SSPN: variants seen among roughly 807,000 people sequenced by gnomAD.
The protein encoded by SSPN is K-ras oncogene-associated protein.
SSPN carries 15 observed loss-of-function variants against 19.1 expected under a neutral mutation model. That is an observed-to-expected ratio of 0.78 (90% confidence interval 0.52 to 1.21). The LOEUF (loss-of-function observed/expected upper bound fraction) is 1.21, where lower values mean the gene tolerates loss of function less well. SSPN is among the 50% of genes most tolerant of loss of function. The pLI is 0.00. For synonymous variants in SSPN, 147 were observed against 140.3 expected (o/e 1.05, Z -0.34); for missense variants, 291 against 314.0 (o/e 0.93, Z 0.55).
At chr12:26,161,912 C>G (rs1944591502) in intron 1 of SSPN, among the ~76,000 whole-genome samples, 1 of 152,228 alleles carries the variant, frequency 6.6e-6, no homozygotes, top group Admixed American at 6.5e-5. Flanking sequence ...GTAATGCTCA[C>G]TCACCAGCCG....
intron 1 of SSPN, among the ~76,000 whole-genome samples, chr12:26,213,259 G>A (rs1479333215): frequency 2.1e-5 from 3 of 140,796 alleles, no homozygotes; most frequent in Admixed American, 7.0e-5. Flanking sequence ...ATATAGGTTT[G>A]TAACAGAAAT....
chr12:26,130,737 C>T (rs567200011), intron 1 of SSPN, among the ~76,000 whole-genome samples: 2 of 152,228 alleles, frequency 1.3e-5, no homozygotes, highest in South Asian at 4.2e-4. Flanking sequence ...CCAGGGGTAA[C>T]GTGAAGTGGT....
chr12:26,124,676 C>T, intron 1 of SSPN: 1 of 1,613,796 alleles, frequency 6.2e-7, no homozygotes, highest in East Asian at 2.2e-5. Context: ...AAAAATCAAA[C>T]CAAAGCCTAG....
At chr12:26,220,481 C>G (rs1300586262) in intron 1 of SSPN, among the ~76,000 whole-genome samples, 1 of 151,836 alleles carries the variant, frequency 6.6e-6, no homozygotes, top group East Asian at 1.9e-4. Context: ...AGAAATATAC[C>G]CGAGATGCTT....
At chr12:26,201,033 A>ATAT (rs1214500629) in intron 1 of SSPN, among the ~76,000 whole-genome samples, 2 of 56,984 alleles carry the variant, frequency 3.5e-5, no homozygotes, top group Non-Finnish European at 6.4e-5. Flanking sequence ...ATATATATAT[A>ATAT]TATATATATA....
In SSPN at chr12:26,208,406, C is replaced by T. The variant is rs148748950; in HGVS notation, c.279+12455C>T. On this transcript the variant is annotated intron_variant, in intron 1 of 2. Transcript: ENST00000242729. ...TTGGCCATTTTATTTTGTGTTCTAT[C>T]ATTTATTTATTCAAAAAATATTTTC... is the stretch of plus-strand genomic sequence containing the variant. Among the ~76,000 whole-genome samples, 124 of 152,186 alleles carry T rather than the reference C, an allele frequency of 8.1e-4. 1 individual carries two copies. The highest frequency in any genetic ancestry group is 2.9e-3 in the African/African-American group (122 of 41,526).
At chr12:26,125,778 C>G (rs865894592) in intron 1 of SSPN, 1 of 151,124 alleles carries the variant, frequency 6.6e-6, no homozygotes, top group Admixed American at 6.6e-5. Flanking sequence ...GGGGAGCGAG[C>G]CGGGGTTGAG....
chr12:26,179,647 C>CT (rs1944705872), intron 1 of SSPN, among the ~76,000 whole-genome samples: 1 of 152,174 alleles, frequency 6.6e-6, no homozygotes, highest in South Asian at 2.1e-4. Context: ...TCAGAAATCT[C>CT]TATTTTACTG....
At chr12:26,207,202 G>T (rs539792359) in intron 1 of SSPN, among the ~76,000 whole-genome samples, 2 of 152,248 alleles carry the variant, frequency 1.3e-5, no homozygotes, top group African/African-American at 4.8e-5. Context: ...ATTTGGTAAT[G>T]ATTTTTAAAT....
intron 1 of SSPN, chr12:26,214,644 C>G (rs1315265792): frequency 6.6e-6 from 1 of 152,194 alleles, no homozygotes; most frequent in Non-Finnish European, 1.5e-5. Context: ...CTTGATTTTA[C>G]AGAATCAAAT....
chr12:26,179,749 T>C (rs1296683762), intron 1 of SSPN, among the ~76,000 whole-genome samples: 1 of 152,106 alleles, frequency 6.6e-6, no homozygotes, highest in Non-Finnish European at 1.5e-5. Flanking sequence ...AAACACAATT[T>C]CATGTTTCTC....
chr12:26,164,434 G>T (rs1944608482), intron 1 of SSPN, among the ~76,000 whole-genome samples: 1 of 152,174 alleles, frequency 6.6e-6, no homozygotes, highest in South Asian at 2.1e-4. Context: ...CAGCACTTTG[G>T]GAGGCCGAGG....
chr12:26,137,768 G>A (rs1330728096), intron 1 of SSPN, among the ~76,000 whole-genome samples: 1 of 145,228 alleles, frequency 6.9e-6, no homozygotes, highest in African/African-American at 2.5e-5. Context: ...CTTTTCAAGC[G>A]ATTCTCCTAC....
intron 1 of SSPN, among the ~76,000 whole-genome samples, chr12:26,171,950 A>G (rs944793743): frequency 7.9e-5 from 12 of 152,124 alleles, no homozygotes; most frequent in Non-Finnish European, 1.8e-4. Flanking sequence ...AAACATGCCA[A>G]CCTTAATTTT....
chr12:26,179,686 T>C (rs1033741970), intron 1 of SSPN, among the ~76,000 whole-genome samples: 4 of 152,172 alleles, frequency 2.6e-5, no homozygotes, highest in African/African-American at 9.7e-5. Context: ...TGCCTCCTAA[T>C]AGGCCCTACA....
chr12:26,122,282 CGCGGCGGCGGCGGCGGCAGCGGCGGCG>C, intron 1 of SSPN: 3 of 1,202,354 alleles, frequency 2.5e-6, no homozygotes, highest in Non-Finnish European at 3.1e-6. Flanking sequence ...GGCAGGGGAA[CGCGGCGGCGGCGGCGGCAGCGGCGGCG>C]GCGGCTGCCG....
At chr12:26,176,981 C>T (rs1944688012) in intron 1 of SSPN, among the ~76,000 whole-genome samples, 1 of 152,140 alleles carries the variant, frequency 6.6e-6, no homozygotes, top group Admixed American at 6.5e-5. Flanking sequence ...TTTTTATTAC[C>T]TTAAGAATAA....
chr12:26,158,153 G>C (rs976763408), intron 1 of SSPN, among the ~76,000 whole-genome samples: 3 of 152,080 alleles, frequency 2.0e-5, no homozygotes, highest in African/African-American at 4.8e-5. Flanking sequence ...GATCTTAAAT[G>C]CTAACTCCTA....
intron 1 of SSPN, among the ~76,000 whole-genome samples, chr12:26,130,682 G>A (rs982452061): frequency 1.3e-5 from 2 of 152,182 alleles, no homozygotes; most frequent in African/African-American, 4.8e-5. Flanking sequence ...CTGAAATTAG[G>A]AAGTTCTTTT....
Sources: allele counts gnomAD v4.1 joint callset (sites outside exome capture counted in the v4.1 genomes callset), GRCh38; gene constraint gnomAD v4.1.1; transcripts MANE v1.5; gene names NCBI Gene and HGNC (gene_info 2026-07-23, HGNC 2026-07-21).